Variants in TFAP2A observed in about 807,000 individuals in gnomAD.
TFAP2A encodes transcription factor AP-2 alpha, also known as transcription factor AP-2-alpha.
Under a neutral mutation model 41.5 loss-of-function variants are expected in TFAP2A, and 7 were observed. That is an observed-to-expected ratio of 0.17 (90% CI 0.10 to 0.32). The LOEUF (loss-of-function observed/expected upper bound fraction) is 0.32. Ranked by LOEUF, TFAP2A falls within the 10% of genes least tolerant of loss-of-function variation. TFAP2A has a pLI of 1.00. For missense variants in TFAP2A, 416 were observed against 563.3 expected, an observed-to-expected ratio of 0.74 and a Z score of 2.65; for synonymous variants, 247 against 242.8, an observed-to-expected ratio of 1.02 and a Z score of -0.16.
In TFAP2A at chr6:10,398,215, C is replaced by A; in HGVS notation, c.*202G>T. On this transcript the variant is annotated 3_prime_UTR_variant, in exon 7 of 7. Coordinates refer to ENST00000379613, the MANE Select transcript of TFAP2A (RefSeq NM_001372066.1). The surrounding 1 kb of genome is among the most constrained non-coding windows in gnomAD (Gnocchi z 5.3). ...GGGGAGGTCGAGGCGGGTGCAGAGT[C>A]GGAGAGGCTGCCCCACTGACAGTCG... 1 of 1,473,818 alleles carries A rather than the reference C, an allele frequency of 6.8e-7. No individual in the cohort carries two copies. The highest frequency in any genetic ancestry group is 9.0e-7 in the Non-Finnish European group (1 of 1,116,366). 91.3% of individuals were successfully genotyped at this position (1,473,818 alleles called of 1,614,324 possible).
rs1761866540 is a variant in TFAP2A at position 10,398,316 on chromosome 6, C to G, written c.*101G>C. The G allele has an allele frequency of 6.3e-7, 1 of 1,597,148 alleles. No individual in the cohort carries two copies. The highest frequency in any genetic ancestry group is 1.1e-5 in the South Asian group (1 of 90,148). ...GCGGCGGCAGCAGCAGCAGCAGTAGCAGCAGCAGGAAGGGTTGCTGATCCC... is the reference window on the plus strand; with the variant it reads ...GCGGCGGCAGCAGCAGCAGCAGTAGGAGCAGCAGGAAGGGTTGCTGATCCC... On this transcript the variant is annotated 3_prime_UTR_variant, in exon 7 of 7. Transcript: ENST00000379613. The surrounding 1 kb of genome is among the most constrained non-coding windows in gnomAD (Gnocchi z 5.3).
rs1230671196 is a variant in TFAP2A at position 10,402,498 on chromosome 6, C to G, written c.883G>C (p.Val295Leu). ...AANVTLLTSL[V>L]EGEAVHLARD... is the part of the protein sequence containing the mutation. Reference sequence around the variant, plus strand: ...AGCAAGTGGATTCGCTTACCCTCTACTAGTGATGTGAGCAGGGTAACGTTG... The same window carrying G: ...AGCAAGTGGATTCGCTTACCCTCTAGTAGTGATGTGAGCAGGGTAACGTTG... Residue 295 changes from valine to leucine, a missense_variant, in exon 5 of 7, where the codon GTA becomes CTA. Val to Leu is a conservative substitution (Grantham distance 32). Around this residue, in one of 3 missense-constraint regions of TFAP2A, gnomAD observed 59 missense variants for 135.4 expected, o/e 0.44. Coordinates refer to ENST00000379613, the MANE Select transcript of TFAP2A (RefSeq NM_001372066.1). The G allele has an allele frequency of 6.2e-7, 1 of 1,611,970 alleles. No homozygotes were observed. The highest frequency in any genetic ancestry group is 1.3e-5 in the African/African-American group (1 of 74,884).
rs542169048 is a variant in TFAP2A, at chr6:10,413,542, T to C, written c.51+1399A>G. 1.5e-4 allele frequency among the ~76,000 whole-genome samples: 23 copies of C among 152,204 alleles called. No individual in the cohort carries two copies. In the South Asian group the frequency reaches 4.2e-3, roughly 28 times the overall value. On this transcript the variant is annotated intron_variant, in intron 1 of 6. Coordinates refer to ENST00000379613, the MANE Select transcript of TFAP2A (RefSeq NM_001372066.1). Reference sequence around the variant, plus strand: ...AGACTGAGGGGTTCGGCTTCATTCCTACCTGCCCGCAAAGCTCGCCCCCAG... The same window carrying C: ...AGACTGAGGGGTTCGGCTTCATTCCCACCTGCCCGCAAAGCTCGCCCCCAG...
At chr6:10,404,190 C>T (rs1581261848) in intron 4 of TFAP2A, among the ~76,000 whole-genome samples, 2 of 152,206 alleles carry the variant, frequency 1.3e-5, no homozygotes, top group Non-Finnish European at 2.9e-5. Flanking sequence ...GGATTGAGCC[C>T]GCGGCGGAGC....
intron 3 of TFAP2A, chr6:10,406,470 C>G (rs2857045): frequency 6.8e-5 from 27 of 397,500 alleles, no homozygotes; most frequent in African/African-American, 5.3e-4. Context: ...TTCATCCAGG[C>G]AATGGATTAA....
intron 1 of TFAP2A, chr6:10,412,191 G>A (rs1758001854): frequency 1.0e-6 from 1 of 987,094 alleles, no homozygotes; most frequent in African/African-American, 1.7e-5. Flanking sequence ...GAGCGCGAGA[G>A]ACAAAAAGCG....
Position 10,402,508 on chromosome 6 carries a change from G to C in TFAP2A, c.873C>G (p.Leu291=). The change falls in exon 5 of 7, where the codon CTC becomes CTG. Residue 291 remains leucine (L), a synonymous_variant. Transcript: ENST00000379613. ...TTCGCTTACCCTCTACTAGTGATGT[G>C]AGCAGGGTAACGTTGGCAGCTTTAC... ...GRRKAANVTL[L]TSLVEGEAVH... The C allele has an allele frequency of 6.2e-7, 1 of 1,613,538 alleles. No individual in the cohort carries two copies. The highest frequency in any genetic ancestry group is 8.5e-7 in the Non-Finnish European group (1 of 1,179,490).
upstream of TFAP2A, chr6:10,415,302 C>G: frequency 5.1e-6 from 7 of 1,369,642 alleles, no homozygotes; most frequent in Non-Finnish European, 6.6e-6. Context: ...TACCAACAGC[C>G]TAATCGCCTC....
rs572036139 is a variant in TFAP2A at position 10,409,884 on chromosome 6, G to C, written c.486+17C>G. The C allele has an allele frequency of 1.9e-6, 3 of 1,548,182 alleles. No individual in the cohort carries two copies. The highest frequency in any genetic ancestry group is 1.2e-5 in the South Asian group (1 of 84,038). On this transcript the variant is annotated intron_variant, in intron 2 of 6. Transcript: ENST00000379613. ...GGGGGCTGTGTTCCCTCCCGCGCTG[G>C]TTGCGCGGCCTCTTACCGGGACCTC...
chr6:10,398,014 A>C lies in TFAP2A; in HGVS notation c.*403T>G. On this transcript the variant is annotated 3_prime_UTR_variant, in exon 7 of 7. Transcript: ENST00000379613. This position sits in a 1 kb window ranked among gnomAD's most constrained non-coding sequence, Gnocchi z 5.3. Reference sequence around the variant, plus strand: ...AGCGCATATAATTTTTTTTATTTTCACTTTTTTTTTAGAAAAAAGTTTTTA... The same window carrying C: ...AGCGCATATAATTTTTTTTATTTTCCCTTTTTTTTTAGAAAAAAGTTTTTA... 2 of 1,063,526 alleles carry C rather than the reference A, an allele frequency of 1.9e-6. No individual in the cohort carries two copies. The highest frequency in any genetic ancestry group is 2.3e-6 in the Non-Finnish European group (2 of 880,148). The allele number at this position is 1,063,526 out of a possible 1,614,324, so 65.9% of individuals were successfully genotyped here. A position where few individuals can be genotyped will look rare whatever the true frequency, so the allele number is the denominator to read the frequency against.
intron 1 of TFAP2A, chr6:10,412,615 G>A (rs376909867): frequency 3.9e-6 from 1 of 256,316 alleles, no homozygotes; most frequent in Non-Finnish European, 8.1e-6. Flanking sequence ...GGGATGCAGC[G>A]GGGGTCGTGC....
At chr6:10,417,412 A>G (rs1403957834), upstream of TFAP2A, among the ~76,000 whole-genome samples, 1 of 152,170 alleles carries the variant, frequency 6.6e-6, no homozygotes, top group African/African-American at 2.4e-5. Context: ...GTAGGCGCTG[A>G]TGAAAGGCCC....
intron 1 of TFAP2A, among the ~76,000 whole-genome samples, chr6:10,411,352 G>A (rs1757960177): frequency 6.6e-6 from 1 of 152,050 alleles, no homozygotes; most frequent in Non-Finnish European, 1.5e-5. Context: ...TGCGTGCTCG[G>A]AGAGGTCGAG....
At position 10,404,748 on chromosome 6, in the gene TFAP2A, A is replaced by G. The variant is rs541264751; in HGVS notation, c.539-9T>C. ...GGACAGGGACACGGGGCCTGCGGAGACAGAGGGGAGGCCGCGTGTTGGGCG... is the reference window on the plus strand; with the variant it reads ...GGACAGGGACACGGGGCCTGCGGAGGCAGAGGGGAGGCCGCGTGTTGGGCG... On this transcript the variant is annotated splice_polypyrimidine_tract_variant and intron_variant, in intron 3 of 6. Coordinates refer to ENST00000379613, the MANE Select transcript of TFAP2A (RefSeq NM_001372066.1). 1.9e-6 allele frequency: 3 copies of G among 1,612,716 alleles called. No individual in the cohort carries two copies.
chr6:10,399,215 G>A lies in TFAP2A; in HGVS notation c.1032-510C>T, dbSNP rs1761911319. Reference sequence around the variant, plus strand: ...TCGTTCACCTTCAAATCAAATTCAGGTCAATGTGGACAGAGAGACAAAACT... The same window carrying A: ...TCGTTCACCTTCAAATCAAATTCAGATCAATGTGGACAGAGAGACAAAACT... On this transcript the variant is annotated intron_variant, in intron 6 of 6. Transcript: ENST00000379613. Among the ~76,000 whole-genome samples the A allele has an allele frequency of 3.9e-5, 6 of 152,104 alleles. No homozygotes were observed. In the South Asian group the frequency reaches 1.2e-3, roughly 32 times the overall value.
upstream of TFAP2A, chr6:10,419,350 C>T (rs1221389473): frequency 2.5e-6 from 4 of 1,575,614 alleles, no homozygotes; most frequent in Non-Finnish European, 3.5e-6. Flanking sequence ...CTCCTCCTCC[C>T]CGCTCCGGCC....
At chr6:10,399,944 G>C (rs1160482389) in intron 6 of TFAP2A, among the ~76,000 whole-genome samples, 1 of 151,912 alleles carries the variant, frequency 6.6e-6, no homozygotes, top group African/African-American at 2.4e-5. Flanking sequence ...GTGTGTGTGT[G>C]TCACTTTCGA....
chr6:10,405,117 A>T (rs951035717), intron 3 of TFAP2A: 1 of 240,738 alleles, frequency 4.2e-6, no homozygotes, highest in East Asian at 8.4e-5. Context: ...TTCAGGGTGC[A>T]GGGGAGGGAA....
chr6:10,402,826 T>C (rs1288979443), intron 4 of TFAP2A, among the ~76,000 whole-genome samples: 1 of 152,246 alleles, frequency 6.6e-6, no homozygotes, highest in African/African-American at 2.4e-5. Flanking sequence ...TCAGTTATTA[T>C]TGCAACTCTT....
Sources: allele counts gnomAD v4.1 joint callset (sites outside exome capture counted in the v4.1 genomes callset), GRCh38; gene constraint gnomAD v4.1.1; regional missense constraint gnomAD v4.1.1; non-coding constraint Gnocchi (gnomAD v3.1); transcripts MANE v1.5; gene names NCBI Gene and HGNC (gene_info 2026-07-23, HGNC 2026-07-21).